KIAA1549: variants seen among roughly 807,000 people sequenced by gnomAD.
The protein encoded by KIAA1549 is KIAA1549.
KIAA1549 carries 70 observed loss-of-function variants against 156.4 expected under a neutral mutation model. That is an observed-to-expected ratio of 0.45 (90% CI 0.37 to 0.55). The LOEUF (loss-of-function observed/expected upper bound fraction) is 0.55, where lower values mean the gene tolerates loss of function less well. KIAA1549 is among the 20% of genes least tolerant of loss of function. KIAA1549 has a pLI of 0.00. For synonymous variants in KIAA1549, 1,103 were observed against 1,066.4 expected (o/e 1.03, Z -0.67); for missense variants, 2,428 against 2,540.9 (o/e 0.96, Z 0.96).
intron 1 of KIAA1549, among the ~76,000 whole-genome samples, chr7:138,920,680 G>A (rs1452196038): frequency 6.6e-6 from 1 of 152,172 alleles, no homozygotes; most frequent in African/African-American, 2.4e-5. Flanking sequence ...ACTGATGAAA[G>A]CCCAGGGCCC....
At chr7:138,974,667 C>T (rs1263892810) in intron 1 of KIAA1549, among the ~76,000 whole-genome samples, 1 of 151,890 alleles carries the variant, frequency 6.6e-6, no homozygotes, top group African/African-American at 2.4e-5. Flanking sequence ...AGGTGACCCA[C>T]CTGCCTCAGC....
At position 138,981,332 on chromosome 7, in the gene KIAA1549, C is replaced by CGCTGCG. The variant is rs1285121057; in HGVS notation, c.-69_-64dup. The CGCTGCG allele has an allele frequency of 2.1e-5, 15 of 707,312 alleles. No individual in the cohort carries two copies. The Admixed American group carries it at 3.9e-4, about 18-fold the overall frequency. 43.8% of individuals were successfully genotyped at this position (707,312 alleles called of 1,614,324 possible). A position where few individuals can be genotyped will look rare whatever the true frequency, so the allele number is the denominator to read the frequency against. ...GGCTCTCGGGTCCGGGAGGGGCGGC[C>CGCTGCG]GCTGCGGCTGCGGCTGGGACGGGGC... On this transcript the variant is annotated 5_prime_UTR_variant, in exon 1 of 20. Transcript: ENST00000422774. The surrounding 1 kb of genome is among the most constrained non-coding windows in gnomAD (Gnocchi z 4.5).
At chr7:138,877,489 G>A (rs536289721) in intron 12 of KIAA1549, among the ~76,000 whole-genome samples, 6 of 152,226 alleles carry the variant, frequency 3.9e-5, no homozygotes, top group African/African-American at 1.4e-4. Flanking sequence ...AAGAGACTCT[G>A]TCTCAAAAAG....
intron 1 of KIAA1549, among the ~76,000 whole-genome samples, chr7:138,931,106 T>C (rs866970693): frequency 2.2e-4 from 33 of 152,316 alleles, no homozygotes; most frequent in Non-Finnish European, 4.1e-4. Flanking sequence ...GACACGCACA[T>C]TTATTAAGTT....
intron 1 of KIAA1549, among the ~76,000 whole-genome samples, chr7:138,930,196 T>TA: frequency 6.6e-6 from 1 of 152,194 alleles, no homozygotes; most frequent in East Asian, 1.9e-4. Flanking sequence ...GGCCTTAAGT[T>TA]AGTCAGTAAA....
At chr7:138,864,403 C>A (rs1458433514) in intron 15 of KIAA1549, among the ~76,000 whole-genome samples, 1 of 152,148 alleles carries the variant, frequency 6.6e-6, no homozygotes, top group East Asian at 1.9e-4. Flanking sequence ...TGCCAGAAGG[C>A]CAGGAGCTCC....
chr7:138,857,602 T>C (rs1392143012), intron 16 of KIAA1549, among the ~76,000 whole-genome samples: 1 of 152,252 alleles, frequency 6.6e-6, no homozygotes, highest in Non-Finnish European at 1.5e-5. Flanking sequence ...CTCATCACCA[T>C]AATTGTAGAT....
At position 138,871,173 on chromosome 7, in the gene KIAA1549, T is replaced by C; in HGVS notation, c.4535A>G (p.Asn1512Ser). Reference sequence around the variant, plus strand: ...AGCAAATACCTCTTTGTTGATTTTATTGCTTTCCGCCACTCGGTCGGCTGG... The same window carrying C: ...AGCAAATACCTCTTTGTTGATTTTACTGCTTTCCGCCACTCGGTCGGCTGG... ...PSPADRVAES[N>S]KINKEIQTAL... The change falls in exon 13 of 20, where the codon AAT becomes AGT. Residue 1512 changes from asparagine (N) to serine (S), a missense_variant. Asn to Ser is a conservative substitution (Grantham distance 46). Around this residue, in one of 5 missense-constraint regions of KIAA1549, gnomAD observed 404 missense variants for 417.0 expected, o/e 0.97. Coordinates refer to ENST00000422774, the MANE Select transcript of KIAA1549 (RefSeq NM_001164665.2). The C allele has an allele frequency of 8.7e-6, 14 of 1,612,548 alleles. No homozygotes were observed. Among genetic ancestry groups the C allele is most frequent in the Non-Finnish European group, 1.2e-5 (14 of 1,179,858 alleles).
intron 2 of KIAA1549, among the ~76,000 whole-genome samples, chr7:138,912,968 G>A (rs934938544): frequency 1.3e-5 from 2 of 152,098 alleles, no homozygotes; most frequent in Non-Finnish European, 2.9e-5. Context: ...TCCGCCTCCC[G>A]GGTTCACACC....
intron 15 of KIAA1549, among the ~76,000 whole-genome samples, chr7:138,863,789 G>A (rs891541907): frequency 6.6e-6 from 1 of 152,072 alleles, no homozygotes; most frequent in Non-Finnish European, 1.5e-5. Context: ...TGACACTCTT[G>A]GGCTTATGAG....
At chr7:138,966,150 C>A (rs979233206) in intron 1 of KIAA1549, among the ~76,000 whole-genome samples, 1 of 152,106 alleles carries the variant, frequency 6.6e-6, no homozygotes, top group Non-Finnish European at 1.5e-5. Flanking sequence ...GAAGTCCTAA[C>A]CCTAGAACCT....
chr7:138,950,254 T>C (rs1813455978), intron 1 of KIAA1549, among the ~76,000 whole-genome samples: 1 of 152,218 alleles, frequency 6.6e-6, no homozygotes, highest in Non-Finnish European at 1.5e-5. Flanking sequence ...TTTATTATAA[T>C]CGTAAAAAAT....
chr7:138,879,177 C>T (rs1234518117), intron 12 of KIAA1549, among the ~76,000 whole-genome samples: 1 of 152,184 alleles, frequency 6.6e-6, no homozygotes, highest in African/African-American at 2.4e-5. Context: ...TTCTGACTGA[C>T]AGTTGTGAAT....
intron 11 of KIAA1549, among the ~76,000 whole-genome samples, chr7:138,880,552 T>G (rs1290393862): frequency 2.6e-5 from 4 of 152,244 alleles, no homozygotes; most frequent in African/African-American, 7.2e-5. Flanking sequence ...AATGTTGATA[T>G]GATCACACAC....
intron 10 of KIAA1549, among the ~76,000 whole-genome samples, chr7:138,887,042 C>T (rs1466836918): frequency 6.6e-6 from 1 of 152,044 alleles, no homozygotes; most frequent in Non-Finnish European, 1.5e-5. Flanking sequence ...GCTGGGACTA[C>T]AGGCGTGCAC....
At chr7:138,865,898 G>A (rs1046500595) in intron 15 of KIAA1549, among the ~76,000 whole-genome samples, 2 of 152,180 alleles carry the variant, frequency 1.3e-5, no homozygotes, top group African/African-American at 4.8e-5. Context: ...GCCCAGGTTG[G>A]CTGGAGAAGT....
chr7:138,836,698 C>A lies in KIAA1549; in HGVS notation c.*1208G>T, dbSNP rs1176694852. The A allele has an allele frequency of 1.4e-5, 3 of 216,174 alleles. No individual in the cohort carries two copies. The highest frequency in any genetic ancestry group is 2.8e-5 in the Non-Finnish European group (3 of 107,410). The allele number at this position is 216,174 out of a possible 1,614,324, so 13.4% of individuals were successfully genotyped here. On this transcript the variant is annotated 3_prime_UTR_variant, in exon 20 of 20. Transcript: ENST00000422774. Reference sequence around the variant, plus strand: ...CCCTCTTAGCCCAAAGAGCATAAGACAATTTTAATAGCCACTCGACAGAGT... The same window carrying A: ...CCCTCTTAGCCCAAAGAGCATAAGAAAATTTTAATAGCCACTCGACAGAGT...
chr7:138,891,026 T>G (rs956610478), intron 10 of KIAA1549, among the ~76,000 whole-genome samples: 1 of 152,124 alleles, frequency 6.6e-6, no homozygotes. Context: ...GTCACCTCCT[T>G]GAAGAAGGTA....
chr7:138,895,751 T>C (rs1051207429), intron 9 of KIAA1549, among the ~76,000 whole-genome samples: 3 of 152,128 alleles, frequency 2.0e-5, no homozygotes, highest in African/African-American at 7.2e-5. Context: ...AGATGATCCT[T>C]ATGTTTTCCA....
Sources: allele counts gnomAD v4.1 joint callset (sites outside exome capture counted in the v4.1 genomes callset), GRCh38; gene constraint gnomAD v4.1.1; regional missense constraint gnomAD v4.1.1; non-coding constraint Gnocchi (gnomAD v3.1); transcripts MANE v1.5; gene names NCBI Gene and HGNC (gene_info 2026-07-23, HGNC 2026-07-21).